Variants in TNNI3K observed in about 807,000 individuals in gnomAD.
The protein encoded by TNNI3K is TNNI3 interacting kinase.
In TNNI3K, 140 loss-of-function variants were observed where a neutral mutation model predicts 114.5. That is an observed-to-expected ratio of 1.22 (90% CI 1.07 to 1.41). The LOEUF is 1.41. TNNI3K is among the 40% of genes most tolerant of loss of function. The pLI is 0.00. For missense variants in TNNI3K, 1,125 were observed against 1,007.6 expected (o/e 1.12, Z -1.58); for synonymous variants, 347 against 347.5 (o/e 1.00, Z 0.02).
At chr1:74,413,865 T>A (rs1436902909) in intron 17 of TNNI3K, among the ~76,000 whole-genome samples, 1 of 152,184 alleles carries the variant, frequency 6.6e-6, no homozygotes, top group Admixed American at 6.5e-5. Flanking sequence ...CAATCAGTTC[T>A]TTTAATGGTG....
intron 23 of TNNI3K, among the ~76,000 whole-genome samples, chr1:74,498,488 G>C (rs955358928): frequency 1.3e-5 from 2 of 151,922 alleles, no homozygotes; most frequent in African/African-American, 4.8e-5. Context: ...GTTTTGTTCA[G>C]GTGCCTACAA....
At chr1:74,397,604 A>T (rs1296301949) in intron 17 of TNNI3K, among the ~76,000 whole-genome samples, 1 of 152,212 alleles carries the variant, frequency 6.6e-6, no homozygotes, top group Non-Finnish European at 1.5e-5. Context: ...CCAGTTTCTT[A>T]TGAAAAGGAG....
intron 23 of TNNI3K, among the ~76,000 whole-genome samples, chr1:74,510,430 C>T (rs926541840): frequency 4.5e-4 from 69 of 152,238 alleles, no homozygotes; most frequent in Non-Finnish European, 1.2e-4. Flanking sequence ...ATGGCTTGAA[C>T]CCGGGAGGTG....
At chr1:74,309,150 C>T (rs915161246) in intron 5 of TNNI3K, among the ~76,000 whole-genome samples, 2 of 151,274 alleles carry the variant, frequency 1.3e-5, no homozygotes, top group Admixed American at 6.6e-5. Flanking sequence ...GGGCGGATCA[C>T]GAGGTCAGGA....
intron 4 of TNNI3K, among the ~76,000 whole-genome samples, chr1:74,252,666 A>T (rs564272705): frequency 6.6e-6 from 1 of 151,980 alleles, no homozygotes; most frequent in Admixed American, 6.6e-5. Flanking sequence ...TATGGAGTGA[A>T]GCTGCAGACC....
At chr1:74,309,407 A>C (rs1472394656) in intron 5 of TNNI3K, among the ~76,000 whole-genome samples, 1 of 150,562 alleles carries the variant, frequency 6.6e-6, no homozygotes, top group Non-Finnish European at 1.5e-5. Flanking sequence ...ATCTTACTGA[A>C]ACTATTCCAA....
chr1:74,361,358 C>T (rs1661958188), intron 11 of TNNI3K, among the ~76,000 whole-genome samples: 2 of 152,048 alleles, frequency 1.3e-5, no homozygotes, highest in Non-Finnish European at 1.5e-5. Flanking sequence ...ACATTCACAT[C>T]ATGTACCTTT....
At chr1:74,528,980 G>A (rs1420758778) in intron 23 of TNNI3K, among the ~76,000 whole-genome samples, 2 of 152,132 alleles carry the variant, frequency 1.3e-5, no homozygotes, top group Non-Finnish European at 2.9e-5. Context: ...CATAACAAAG[G>A]AATACATTGA....
At chr1:74,344,867 A>G (rs1660918640) in intron 9 of TNNI3K, among the ~76,000 whole-genome samples, 1 of 152,152 alleles carries the variant, frequency 6.6e-6, no homozygotes, top group Admixed American at 6.6e-5. Flanking sequence ...TTTATAAAAG[A>G]AACTCCTTTT....
intron 21 of TNNI3K, chr1:74,469,822 C>T (rs1262435772): frequency 2.5e-6 from 1 of 399,524 alleles, no homozygotes; most frequent in African/African-American, 2.1e-5. Context: ...GGGTGTTTGT[C>T]CTCTTGAAGA....
At chr1:74,271,201 T>C (rs151055318) in intron 4 of TNNI3K, among the ~76,000 whole-genome samples, 147 of 151,922 alleles carry the variant, frequency 9.7e-4, no homozygotes, top group African/African-American at 3.3e-3. Context: ...TCCTCATCTC[T>C]AAAAGAAAAA....
chr1:74,349,860 C>G lies in TNNI3K; in HGVS notation c.933-3406C>G, dbSNP rs548656443. ...TATTGCGTCTATTTGATTCTTCCCT[C>G]TTTCCTTCTTTATTAGTCTTGCTAG... is the stretch of plus-strand genomic sequence containing the variant. On this transcript the variant is annotated intron_variant, in intron 9 of 24. Coordinates refer to ENST00000326637, the MANE Select transcript of TNNI3K (RefSeq NM_015978.3). Among the ~76,000 whole-genome samples the G allele has an allele frequency of 2.6e-5, 4 of 152,180 alleles. 1 individual carries two copies. In the East Asian group the frequency reaches 7.7e-4, roughly 29 times the overall value.
intron 17 of TNNI3K, among the ~76,000 whole-genome samples, chr1:74,415,645 C>G (rs1665079893): frequency 6.6e-6 from 1 of 151,456 alleles, no homozygotes; most frequent in Admixed American, 6.6e-5. Flanking sequence ...GATTTTTATA[C>G]TTTCTACTTT....
intron 9 of TNNI3K, 117 bp from the exon 10 acceptor site, chr1:74,353,149 T>A: frequency 9.5e-7 from 1 of 1,054,298 alleles, no homozygotes; most frequent in Non-Finnish European, 1.4e-6. Context: ...AGTCTCATTG[T>A]CAGGTTATGG....
chr1:74,489,022 C>A (rs528707560), intron 21 of TNNI3K, among the ~76,000 whole-genome samples, 167 bp from the exon 22 acceptor site: 15 of 152,282 alleles, frequency 9.9e-5, no homozygotes, highest in Admixed American at 3.9e-4. Context: ...TCTCCATGAA[C>A]AGCAAATGAA....
At chr1:74,274,971 T>C (rs1656586377) in intron 5 of TNNI3K, among the ~76,000 whole-genome samples, 1 of 152,048 alleles carries the variant, frequency 6.6e-6, no homozygotes, top group Non-Finnish European at 1.5e-5. Context: ...CAAAGTATAG[T>C]TTCCACTCAT....
intron 21 of TNNI3K, among the ~76,000 whole-genome samples, chr1:74,478,180 A>G (rs1396662206): frequency 6.6e-6 from 1 of 152,194 alleles, no homozygotes; most frequent in Non-Finnish European, 1.5e-5. Context: ...TGGAATCTTA[A>G]TGGAGCAAAT....
chr1:74,423,964 TA>T (rs1665513910), intron 17 of TNNI3K, among the ~76,000 whole-genome samples: 2 of 152,194 alleles, frequency 1.3e-5, no homozygotes, highest in Non-Finnish European at 2.9e-5. Context: ...CCTGTAGTTC[TA>T]CAAATGAGAT....
At chr1:74,353,865 CCTTA>C (rs780167968) in intron 10 of TNNI3K, 111 bp from the exon 11 acceptor site, 26 of 1,379,840 alleles carry the variant, frequency 1.9e-5, no homozygotes, top group Non-Finnish European at 2.5e-5. Context: ...AGAAATCAAT[CCTTA>C]CTTCATACCT....
Sources: gnomAD v4.1 joint callset for allele counts (sites outside exome capture counted in the v4.1 genomes callset) on GRCh38, gnomAD v4.1.1 for gene constraint, MANE v1.5 for transcripts, NCBI Gene and HGNC (gene_info 2026-07-23, HGNC 2026-07-21) for gene names.